Variants in CACNA1S observed in about 807,000 individuals in gnomAD.
CACNA1S encodes calcium voltage-gated channel subunit alpha1 S.
Under a neutral mutation model 207.4 loss-of-function variants are expected in CACNA1S, and 126 were observed. That is an observed-to-expected ratio of 0.61 (90% CI 0.53 to 0.70). CACNA1S has a LOEUF of 0.70. Among genes scored for constraint, CACNA1S ranks in the 30% least tolerant of loss-of-function variants. CACNA1S has a pLI of 0.00. For synonymous variants in CACNA1S, 960 were observed against 932.7 expected, an observed-to-expected ratio of 1.03 and a Z score of -0.53; for missense variants, 2,349 against 2,422.8, an observed-to-expected ratio of 0.97 and a Z score of 0.64.
chr1:201,077,085 G>A lies in CACNA1S; in HGVS notation c.1662C>T (p.Asn554=), dbSNP rs1378822778. The A allele has an allele frequency of 6.2e-7, 1 of 1,614,210 alleles. No homozygotes were observed. Among genetic ancestry groups the A allele is most frequent in the African/African-American group, 1.3e-5 (1 of 75,050 alleles). ...SLSNLVASLL[N]SIRSIASLLL... ...GCAGGGAGGCGATGGAGCGGATGGA[G>A]TTGAGCAGGGATGCCACCAGGTTGC... Residue 554 remains asparagine, a synonymous_variant, in exon 12 of 44, where the codon AAC becomes AAT. Transcript: ENST00000362061.
intron 2 of CACNA1S, among the ~76,000 whole-genome samples, chr1:201,097,156 A>C (rs6704355): frequency 1.3e-5 from 2 of 151,632 alleles, no homozygotes; most frequent in Middle Eastern, 3.2e-3. Context: ...CCTCCTCTTC[A>C]ACTGCCCCTG....
chr1:201,050,964 G>A lies in CACNA1S; in HGVS notation c.4113+20C>T, dbSNP rs758487429. The A allele has an allele frequency of 7.4e-6, 12 of 1,613,494 alleles. No homozygotes were observed. Among genetic ancestry groups the A allele is most frequent in the South Asian group, 4.4e-5 (4 of 91,070 alleles). The stretch of plus-strand genomic sequence containing the variant: ...CTTATCAAAGCCCTCTCCCTGCCCC[G>A]CAGGCCCTCAGCATCTCACCAGGAA... On this transcript the variant is annotated intron_variant, in intron 33 of 43. Coordinates refer to ENST00000362061, the MANE Select transcript of CACNA1S (RefSeq NM_000069.3).
In CACNA1S at chr1:201,072,818, T is replaced by C. The variant is rs774585202; in HGVS notation, c.2164A>G (p.Ile722Val). Residue 722 changes from isoleucine (I) to valine (V), a missense_variant, in exon 16 of 44, where the codon ATC becomes GTC. Coordinates refer to ENST00000362061, the MANE Select transcript of CACNA1S (RefSeq NM_000069.3). ...TTGACATTAGATTCAAACTCATCGA[T>C]TTTCAGCTGTAGGAAGGAACACAAT... ...EGIPTTAKLKIDEFESNVNEV... is the reference protein window; with the variant it reads ...EGIPTTAKLKVDEFESNVNEV... 7.4e-6 allele frequency: 12 copies of C among 1,613,406 alleles called. No individual in the cohort carries two copies. The highest frequency in any genetic ancestry group is 1.0e-5 in the Non-Finnish European group (12 of 1,179,488).
intron 38 of CACNA1S, among the ~76,000 whole-genome samples, chr1:201,045,011 C>A (rs1375564518): frequency 2.6e-5 from 4 of 152,208 alleles, no homozygotes; most frequent in African/African-American, 9.7e-5. Context: ...GTGGAAATTT[C>A]ATGCCCTTCC....
intron 41 of CACNA1S, 45 bp from the exon 42 acceptor site, chr1:201,040,758 G>A (rs1451842757): frequency 6.6e-7 from 1 of 1,513,678 alleles, no homozygotes; most frequent in Admixed American, 1.7e-5. Context: ...GCTGACTCCT[G>A]CCAGGAGCCC....
At chr1:201,105,648 C>T (rs950599683) in intron 2 of CACNA1S, among the ~76,000 whole-genome samples, 1 of 152,156 alleles carries the variant, frequency 6.6e-6, no homozygotes, top group Non-Finnish European at 1.5e-5. Context: ...CATATTCATT[C>T]CCAGGACTCC....
At chr1:201,048,471 T>C (rs1390702442) in intron 36 of CACNA1S, 111 bp downstream of exon 36, 1 of 952,032 alleles carries the variant, frequency 1.1e-6, no homozygotes, top group African/African-American at 1.6e-5. Context: ...CTCCCTCTAC[T>C]TCTTCCCACA....
chr1:201,109,177 G>A (rs750212841), intron 2 of CACNA1S, among the ~76,000 whole-genome samples: 3 of 151,938 alleles, frequency 2.0e-5, no homozygotes, highest in Admixed American at 6.6e-5. Context: ...GAACCCAGGA[G>A]GCGGAGGTTG....
chr1:201,044,583 T>C, intron 38 of CACNA1S, 127 bp from the exon 39 acceptor site: 1 of 1,086,006 alleles, frequency 9.2e-7, no homozygotes, highest in Non-Finnish European at 1.3e-6. Context: ...CAATCTGAGC[T>C]CACTGTAACC....
intron 7 of CACNA1S, among the ~76,000 whole-genome samples, chr1:201,086,927 C>T (rs1662056114): frequency 6.6e-6 from 1 of 152,168 alleles, no homozygotes; most frequent in East Asian, 1.9e-4. Context: ...AAAGGAAACA[C>T]TAAATTTCAG....
At chr1:201,040,446 C>G (rs1446046062) in intron 42 of CACNA1S, 72 bp from the exon 43 acceptor site, 10 of 1,578,060 alleles carry the variant, frequency 6.3e-6, no homozygotes, top group Non-Finnish European at 8.6e-6. Context: ...AATTCCAGAT[C>G]ATCTGAGGGC....
At chr1:201,091,288 A>G (rs1487474544) in intron 5 of CACNA1S, among the ~76,000 whole-genome samples, 1 of 152,244 alleles carries the variant, frequency 6.6e-6, no homozygotes, top group Non-Finnish European at 1.5e-5. Flanking sequence ...ACTAAAGCTA[A>G]AACTATGCGA....
At chr1:201,048,810 G>A in intron 35 of CACNA1S, 126 bp from the exon 36 acceptor site, 1 of 879,018 alleles carries the variant, frequency 1.1e-6, no homozygotes, top group Non-Finnish European at 1.9e-6. Context: ...AGCTGACCAG[G>A]ACATCCTTTG....
rs1661665649 is a variant in CACNA1S at position 201,077,306 on chromosome 1, A to C, written c.1620-179T>G. Among the ~76,000 whole-genome samples the C allele has an allele frequency of 2.6e-5, 4 of 152,188 alleles. No individual in the cohort carries two copies. In the South Asian group the frequency reaches 8.3e-4, roughly 32 times the overall value. On this transcript the variant is annotated intron_variant, in intron 11 of 43. Coordinates refer to ENST00000362061, the MANE Select transcript of CACNA1S (RefSeq NM_000069.3). ...GCCCACTCTCTCCTTCCTGCAGAGC[A>C]CTTGTCTGTTTGTAATTTCACGCTG...
intron 15 of CACNA1S, among the ~76,000 whole-genome samples, 184 bp downstream of exon 15, chr1:201,073,364 GT>G (rs1402802568): frequency 3.3e-5 from 5 of 152,148 alleles, no homozygotes; most frequent in Admixed American, 6.5e-5. Context: ...GTGCCTCTCA[GT>G]GCAGGAGTCC....
intron 38 of CACNA1S, among the ~76,000 whole-genome samples, chr1:201,044,797 C>T (rs375370556): frequency 1.3e-3 from 195 of 152,326 alleles, no homozygotes; most frequent in Non-Finnish European, 1.9e-3. Context: ...CATGAGCCAC[C>T]GTGCCTGGCT....
Position 201,066,233 on chromosome 1 carries a change from A to G in CACNA1S, c.2741T>C (p.Leu914Ser). The change falls in exon 21 of 44, where the codon TTG becomes TCG. Residue 914 changes from leucine to serine, a missense_variant. Leu to Ser is a moderately radical substitution (Grantham distance 145, BLOSUM62 -2). Transcript: ENST00000362061. This position sits in a 1 kb window ranked among gnomAD's most constrained non-coding sequence, Gnocchi z 4.3. Reference sequence around the variant, plus strand: ...CCTGCCCGGGCCCTCTCTCACCTTCAACCCCTTGGCTCTGTTGATGGCTCT... The same window carrying G: ...CCTGCCCGGGCCCTCTCTCACCTTCGACCCCTTGGCTCTGTTGATGGCTCT... ...PLRAINRAKG[L>S]KHVVQCMFVA... 6.2e-7 allele frequency: 1 copy of G among 1,613,480 alleles called. No individual in the cohort carries two copies. The highest frequency in any genetic ancestry group is 1.1e-5 in the South Asian group (1 of 91,042).
At chr1:201,079,333 G>T (rs1025363598) in intron 10 of CACNA1S, among the ~76,000 whole-genome samples, 1 of 151,828 alleles carries the variant, frequency 6.6e-6, no homozygotes, top group Non-Finnish European at 1.5e-5. Flanking sequence ...CAGGGGCATC[G>T]ATCTGCCACA....
rs187818075 is a variant in CACNA1S, at chr1:201,040,444, A to G, written c.5227-70T>C. 1,361 of 1,585,952 alleles carry G rather than the reference A, an allele frequency of 8.6e-4. 7 individuals are homozygous for G. Among genetic ancestry groups the G allele is most frequent in the Middle Eastern group, 1.2e-3 (7 of 6,028 alleles). On this transcript the variant is annotated intron_variant, in intron 42 of 43. Coordinates refer to ENST00000362061, the MANE Select transcript of CACNA1S (RefSeq NM_000069.3). ...AGCCCACCAATGAGCAAAATTCCAG[A>G]TCATCTGAGGGCAACTCAACCAAGA...
Sources: allele counts gnomAD v4.1 joint callset (sites outside exome capture counted in the v4.1 genomes callset), GRCh38; gene constraint gnomAD v4.1.1; non-coding constraint Gnocchi (gnomAD v3.1); transcripts MANE v1.5; gene names NCBI Gene and HGNC (gene_info 2026-07-23, HGNC 2026-07-21).